Variants in KCNIP3 observed in about 807,000 individuals in gnomAD.
KCNIP3 encodes potassium voltage-gated channel interacting protein 3, also known as calsenilin.
In KCNIP3, 28 loss-of-function variants were observed where a neutral mutation model predicts 35.0. That is an observed-to-expected ratio of 0.80 (90% CI 0.59 to 1.10). The LOEUF (loss-of-function observed/expected upper bound fraction) is 1.10, where lower values mean the gene tolerates loss of function less well. Among genes scored for constraint, KCNIP3 ranks in the 50% least tolerant of loss-of-function variants. The probability of loss-of-function intolerance (pLI) is 0.00; values close to 1 mark genes in which losing one functional copy is unlikely to be tolerated. For missense variants in KCNIP3, 295 were observed against 338.4 expected (o/e 0.87, Z 1.01); for synonymous variants, 134 against 133.8 (o/e 1.00, Z -0.01).
rs781459343 is a variant in KCNIP3 at position 95,374,844 on chromosome 2, G to T, written c.307-4G>T. On this transcript the variant is annotated splice_region_variant and splice_polypyrimidine_tract_variant and intron_variant, in intron 3 of 8. Transcript: ENST00000295225. ...AGGGCTGAGGGGGTGCCTTCCTGCT[G>T]CAGGAGTGTCCCACGGGCCTGGTGG... 2 of 1,613,496 alleles carry T rather than the reference G, an allele frequency of 1.2e-6. No homozygotes were observed. Among genetic ancestry groups the T allele is most frequent in the Non-Finnish European group, 1.7e-6 (2 of 1,179,950 alleles).
At chr2:95,347,231 T>A in intron 2 of KCNIP3, 5 of 927,246 alleles carry the variant, frequency 5.4e-6, no homozygotes, top group Non-Finnish European at 6.5e-6. Flanking sequence ...AGGAGCGGCC[T>A]GGGCCGCCGC....
rs1202495329 is a variant in KCNIP3, at chr2:95,382,167, T to G, written c.556-210T>G. On this transcript the variant is annotated intron_variant, in intron 6 of 8. Coordinates refer to ENST00000295225, the MANE Select transcript of KCNIP3 (RefSeq NM_013434.5). The surrounding 1 kb of genome is among the most constrained non-coding windows in gnomAD (Gnocchi z 4.5). ...TTGGAGATAAGCACATAGCAATCCA[T>G]CTCCCACTTCTCTGGGAGATGAGCT... Among the ~76,000 whole-genome samples, 1 of 152,130 alleles carries G rather than the reference T, an allele frequency of 6.6e-6. No individual in the cohort carries two copies. The highest frequency in any genetic ancestry group is 1.9e-4 in the East Asian group (1 of 5,172).
intron 2 of KCNIP3, among the ~76,000 whole-genome samples, chr2:95,353,868 C>T (rs1227545040): frequency 6.6e-6 from 1 of 152,180 alleles, no homozygotes; most frequent in Non-Finnish European, 1.5e-5. Flanking sequence ...TTGGCAACGT[C>T]GAGAGACATT....
rs891983021 is a variant in KCNIP3, at chr2:95,377,090, G to A, written c.447+1882G>A. Among the ~76,000 whole-genome samples the A allele has an allele frequency of 6.6e-6, 1 of 152,124 alleles. No homozygotes were observed. The highest frequency in any genetic ancestry group is 1.5e-5 in the Non-Finnish European group (1 of 68,028). On this transcript the variant is annotated intron_variant, in intron 5 of 8. Transcript: ENST00000295225. This position sits in a 1 kb window ranked among gnomAD's most constrained non-coding sequence, Gnocchi z 4.7. ...GAGTGGCTCCTGCTCCCATCCCCAC[G>A]GACCTTCTGGGATTTGCCAGCAGCA...
intron 2 of KCNIP3, among the ~76,000 whole-genome samples, chr2:95,321,084 C>T (rs1332508865): frequency 6.9e-6 from 1 of 144,736 alleles, no homozygotes; most frequent in Non-Finnish European, 1.5e-5. Context: ...CCTGGCCCTG[C>T]CCCCCGAGCC....
Position 95,382,440 on chromosome 2 carries a change from C to G in KCNIP3, c.619C>G (p.Arg207Gly), listed in dbSNP as rs760745377. The change falls in exon 7 of 9, where the codon CGG becomes GGG. Residue 207 changes from arginine to glycine, a missense_variant. Arg to Gly is a moderately radical substitution (Grantham distance 125, BLOSUM62 -2). Coordinates refer to ENST00000295225, the MANE Select transcript of KCNIP3 (RefSeq NM_013434.5). This position sits in a 1 kb window ranked among gnomAD's most constrained non-coding sequence, Gnocchi z 4.5. ...GGGCCGCCACACCTACCCCATCCTGCGGGAGGACGCGCCGGCGGAGCACGT... is the reference window on the plus strand; with the variant it reads ...GGGCCGCCACACCTACCCCATCCTGGGGGAGGACGCGCCGGCGGAGCACGT... ...MMGRHTYPIL[R>G]EDAPAEHVER... is the part of the protein sequence containing the mutation. 1 of 1,608,968 alleles carries G rather than the reference C, an allele frequency of 6.2e-7. No individual in the cohort carries two copies. The highest frequency in any genetic ancestry group is 1.3e-5 in the African/African-American group (1 of 74,710).
intron 1 of KCNIP3, among the ~76,000 whole-genome samples, chr2:95,304,062 T>C (rs1306059189): frequency 6.6e-6 from 1 of 152,236 alleles, no homozygotes; most frequent in Non-Finnish European, 1.5e-5. Flanking sequence ...ACCAGCCACA[T>C]GTCAGTCTCA....
At chr2:95,353,501 C>T (rs1679578741) in intron 2 of KCNIP3, among the ~76,000 whole-genome samples, 2 of 152,344 alleles carry the variant, frequency 1.3e-5, no homozygotes, top group South Asian at 4.1e-4. Context: ...GGTTTGGCCA[C>T]CTGCTTACCA....
intron 2 of KCNIP3, among the ~76,000 whole-genome samples, chr2:95,358,456 C>T (rs1377142645): frequency 6.6e-6 from 1 of 152,170 alleles, no homozygotes; most frequent in Non-Finnish European, 1.5e-5. Context: ...ATCAAAAAGT[C>T]CTCATGCTTT....
At chr2:95,359,625 C>A (rs1262663475) in intron 2 of KCNIP3, among the ~76,000 whole-genome samples, 1 of 152,246 alleles carries the variant, frequency 6.6e-6, no homozygotes, top group Non-Finnish European at 1.5e-5. Flanking sequence ...AGCAAGGACT[C>A]TCTGGAGTGG....
chr2:95,341,556 G>A (rs796315260), intron 2 of KCNIP3, among the ~76,000 whole-genome samples: 2 of 152,250 alleles, frequency 1.3e-5, no homozygotes, highest in South Asian at 4.1e-4. Context: ...CCTCTTGCGT[G>A]TCTTGAGATG....
intron 2 of KCNIP3, among the ~76,000 whole-genome samples, chr2:95,326,299 CACAT>C (rs1678787628): frequency 6.6e-6 from 1 of 152,092 alleles, no homozygotes; most frequent in Non-Finnish European, 1.5e-5. Context: ...ACTCATTACA[CACAT>C]ACACATACAC....
chr2:95,301,692 A>G (rs1248747635), intron 1 of KCNIP3, among the ~76,000 whole-genome samples: 2 of 152,040 alleles, frequency 1.3e-5, no homozygotes, highest in African/African-American at 4.8e-5. Flanking sequence ...CCAAGAGGCA[A>G]TTTGGCCATG....
chr2:95,372,721 G>T (rs1443450129), intron 2 of KCNIP3, among the ~76,000 whole-genome samples: 1 of 152,210 alleles, frequency 6.6e-6, no homozygotes, highest in East Asian at 1.9e-4. Context: ...AGGGCTTGGG[G>T]AAGTTTTCCT....
rs1808455 is a variant in KCNIP3 at position 95,299,538 on chromosome 2, C to T, written c.15+2085C>T. ...GGGAGGCGGGGAGGCACTGCCATTC[C>T]TATTCTAGACACTGAGGCTCAGAAA... is the stretch of plus-strand genomic sequence containing the variant. On this transcript the variant is annotated intron_variant, in intron 1 of 8. Transcript: ENST00000295225. Among the ~76,000 whole-genome samples, 922 of 152,332 alleles carry T rather than the reference C, an allele frequency of 6.1e-3. 10 individuals carry two copies. The highest frequency in any genetic ancestry group is 0.021 in the African/African-American group (888 of 41,574).
intron 2 of KCNIP3, among the ~76,000 whole-genome samples, chr2:95,325,809 T>A (rs559047382): frequency 1.5e-4 from 17 of 115,160 alleles, no homozygotes; most frequent in African/African-American, 4.8e-4. Flanking sequence ...ACACATACAC[T>A]CATACACACA....
intron 1 of KCNIP3, among the ~76,000 whole-genome samples, chr2:95,300,359 C>T (rs75868135): frequency 0.013 from 1,908 of 152,360 alleles, 18 homozygotes; most frequent in Non-Finnish European, 0.019. Flanking sequence ...CTGTGTGAGG[C>T]AGGGAACTGC....
Position 95,297,464 on chromosome 2 carries a change from G to T in KCNIP3, c.15+11G>T. On this transcript the variant is annotated intron_variant, in intron 1 of 8. Transcript: ENST00000295225. ...ATGCAGCCGGCTAAGGTAGGTGCTGGGGGAATGGGGTCTTGCTCTGGAGGG... is the reference window on the plus strand; with the variant it reads ...ATGCAGCCGGCTAAGGTAGGTGCTGTGGGAATGGGGTCTTGCTCTGGAGGG... 2 of 1,561,900 alleles carry T rather than the reference G, an allele frequency of 1.3e-6. No homozygotes were observed. The highest frequency in any genetic ancestry group is 2.4e-5 in the East Asian group (1 of 42,530).
chr2:95,352,121 G>A (rs2104274095), intron 2 of KCNIP3, among the ~76,000 whole-genome samples: 1 of 152,186 alleles, frequency 6.6e-6, no homozygotes, highest in East Asian at 1.9e-4. Flanking sequence ...AAATTAGCCG[G>A]GCATGGTGGC....
Sources: allele counts gnomAD v4.1 joint callset (sites outside exome capture counted in the v4.1 genomes callset), GRCh38; gene constraint gnomAD v4.1.1; non-coding constraint Gnocchi (gnomAD v3.1); transcripts MANE v1.5; gene names NCBI Gene and HGNC (gene_info 2026-07-23, HGNC 2026-07-21).